CFAP57: variants seen among roughly 807,000 people sequenced by gnomAD.
CFAP57 encodes the protein cilia- and flagella-associated protein 57.
A neutral mutation model predicts 146.8 loss-of-function variants in CFAP57; 116 were observed. The ratio of observed to expected loss-of-function variants is 0.79; its 90% CI spans 0.68 to 0.92. CFAP57 has a LOEUF of 0.92. CFAP57 is among the 40% of genes least tolerant of loss of function. The pLI is 0.00. For missense variants in CFAP57, 1,377 were observed against 1,527.2 expected (o/e 0.90, Z 1.64); for synonymous variants, 518 against 552.8 (o/e 0.94, Z 0.88).
In CFAP57 at chr1:43,221,372, G is replaced by T; in HGVS notation, c.2248G>T (p.Val750Phe). ...ATGAGGAAATGTGACTCTGTTTTAGGTCTTAAGAACAGAAAAAGAGAAGCA... is the reference window on the plus strand; with the variant it reads ...ATGAGGAAATGTGACTCTGTTTTAGTTCTTAAGAACAGAAAAAGAGAAGCA... ...EMESLKTKNQ[V>F]LRTEKEKQDV... Residue 750 changes from valine to phenylalanine, a missense_variant and splice_region_variant, in exon 14 of 23, where the codon GTC becomes TTC. Coordinates refer to ENST00000372492, the MANE Select transcript of CFAP57 (RefSeq NM_001378189.1). 1 of 1,541,406 alleles carries T rather than the reference G, an allele frequency of 6.5e-7. No homozygotes were observed. Among genetic ancestry groups the T allele is most frequent in the East Asian group, 2.5e-5 (1 of 40,506 alleles).
intron 5 of CFAP57, among the ~76,000 whole-genome samples, chr1:43,186,471 C>G (rs529687722): frequency 1.4e-4 from 21 of 151,838 alleles, no homozygotes; most frequent in Admixed American, 1.4e-3. Context: ...ATTAGCCAAG[C>G]GCGGTGGTGG....
At chr1:43,229,587 G>A (rs756952368) in intron 18 of CFAP57, among the ~76,000 whole-genome samples, 12 of 148,658 alleles carry the variant, frequency 8.1e-5, no homozygotes, top group Admixed American at 1.3e-4. Context: ...TCCTGATTCA[G>A]GTACCCGCCC....
chr1:43,195,996 G>A lies in CFAP57; in HGVS notation c.1123-1557G>A, dbSNP rs575399932. ...AGAAAGCAAGGAAATATGAGATAAT[G>A]TCATCAGATGAGATTTAGAATTGGA... On this transcript the variant is annotated intron_variant, in intron 6 of 22. Transcript: ENST00000372492. Among the ~76,000 whole-genome samples the A allele has an allele frequency of 3.9e-5, 6 of 152,298 alleles. No homozygotes were observed. In the East Asian group the frequency reaches 1.2e-3, roughly 29 times the overall value.
chr1:43,237,858 A>G (rs1200034241), intron 21 of CFAP57, among the ~76,000 whole-genome samples: 1 of 152,184 alleles, frequency 6.6e-6, no homozygotes, highest in East Asian at 1.9e-4. Flanking sequence ...GCTCCACCCA[A>G]GGTTTCTTAA....
At chr1:43,209,693 G>T in intron 10 of CFAP57, 50 bp from the exon 11 acceptor site, 2 of 1,559,568 alleles carry the variant, frequency 1.3e-6, no homozygotes, top group South Asian at 2.3e-5. Context: ...ACTGGGACGT[G>T]GGGGCCACAG....
In CFAP57 at chr1:43,209,828, C is replaced by T. The variant is rs41301054; in HGVS notation, c.1841C>T (p.Ser614Leu). The T allele has an allele frequency of 0.033, 52,662 of 1,614,162 alleles. 1,035 individuals carry two copies. The highest frequency in any genetic ancestry group is 0.037 in the Non-Finnish European group (43,729 of 1,180,034). The change falls in exon 11 of 23, where the codon TCG becomes TTG. Residue 614 changes from serine (S) to leucine (L), a missense_variant. Transcript: ENST00000372492. ...GGACGCATGATGTTTGTGGGCACCTCGGTGGGAACCATTCGTGCCATGAAG... is the reference window on the plus strand; with the variant it reads ...GGACGCATGATGTTTGTGGGCACCTTGGTGGGAACCATTCGTGCCATGAAG... Reference protein sequence around the residue: ...HSGRMMFVGTSVGTIRAMKYP... With the variant: ...HSGRMMFVGTLVGTIRAMKYP...
At chr1:43,224,616 G>T (rs1181477259) in intron 17 of CFAP57, among the ~76,000 whole-genome samples, 4 of 152,198 alleles carry the variant, frequency 2.6e-5, no homozygotes, top group Non-Finnish European at 5.9e-5. Flanking sequence ...TCCCCCTGTC[G>T]CAGAGGGACT....
In CFAP57 at chr1:43,234,617, A is replaced by G. The variant is rs909823922; in HGVS notation, c.3384A>G (p.Thr1128=). 5 of 1,550,230 alleles carry G rather than the reference A, an allele frequency of 3.2e-6. No homozygotes were observed. The African/African-American group carries it at 5.5e-5, about 17-fold the overall frequency. ...TCAAGGAGGGCGAGCTGCACCGCACAGACTACGTCCGCATCATGCAGGTAC... is the reference window on the plus strand; with the variant it reads ...TCAAGGAGGGCGAGCTGCACCGCACGGACTACGTCCGCATCATGCAGGTAC... The part of the protein sequence containing the change: ...KVVKEGELHR[T]DYVRIMQENV... The change falls in exon 21 of 23, where the codon ACA becomes ACG. Residue 1128 remains threonine, a synonymous_variant. Transcript: ENST00000372492.
chr1:43,254,192 C>T lies in CFAP57; in HGVS notation c.*1C>T. On this transcript the variant is annotated 3_prime_UTR_variant, in exon 23 of 23. Transcript: ENST00000372492. Reference sequence around the variant, plus strand: ...AGACTTAGAGGTGAAGACCAACTGACCCCCTCTGGTGAGCCATCTCCAGCC... The same window carrying T: ...AGACTTAGAGGTGAAGACCAACTGATCCCCTCTGGTGAGCCATCTCCAGCC... 2 of 1,545,912 alleles carry T rather than the reference C, an allele frequency of 1.3e-6. No homozygotes were observed. Among genetic ancestry groups the T allele is most frequent in the Non-Finnish European group, 8.7e-7 (1 of 1,144,450 alleles).
chr1:43,216,587 G>A (rs1313600201), intron 12 of CFAP57, among the ~76,000 whole-genome samples: 1 of 152,108 alleles, frequency 6.6e-6, no homozygotes, highest in African/African-American at 2.4e-5. Context: ...TGACAGTACC[G>A]CTGCCAGGCT....
intron 6 of CFAP57, among the ~76,000 whole-genome samples, chr1:43,188,644 T>A (rs1161989624): frequency 6.6e-6 from 1 of 152,212 alleles, no homozygotes; most frequent in African/African-American, 2.4e-5. Context: ...GTTGTAACAG[T>A]TATTTATAAT....
At chr1:43,218,767 A>C (rs1309513546) in intron 12 of CFAP57, among the ~76,000 whole-genome samples, 1 of 152,152 alleles carries the variant, frequency 6.6e-6, no homozygotes, top group Non-Finnish European at 1.5e-5. Flanking sequence ...TTGGGCACTT[A>C]CCACAATTTG....
At chr1:43,215,440 G>A (rs1644798014) in intron 12 of CFAP57, 24 bp downstream of exon 12, 1 of 1,546,070 alleles carries the variant, frequency 6.5e-7, no homozygotes, top group African/African-American at 1.4e-5. Context: ...CTAATGAAGA[G>A]GGATATGGAA....
chr1:43,222,757 G>A, intron 15 of CFAP57, 67 bp from the exon 16 acceptor site: 1 of 1,459,362 alleles, frequency 6.9e-7, no homozygotes, highest in Non-Finnish European at 9.1e-7. Flanking sequence ...CTCACCTCAA[G>A]CCCTGTTGGC....
chr1:43,252,879 G>C (rs1458767357), intron 22 of CFAP57, among the ~76,000 whole-genome samples: 1 of 152,156 alleles, frequency 6.6e-6, no homozygotes, highest in Non-Finnish European at 1.5e-5. Context: ...GGGAATTTGT[G>C]AGCTAAAAGA....
intron 21 of CFAP57, among the ~76,000 whole-genome samples, chr1:43,239,794 T>C (rs1033777515): frequency 3.9e-5 from 6 of 152,194 alleles, no homozygotes; most frequent in African/African-American, 1.4e-4. Context: ...GCAAGCAAGC[T>C]TCCCCCTGTG....
At chr1:43,198,384 C>A in intron 7 of CFAP57, 97 bp from the exon 8 acceptor site, 1 of 1,369,686 alleles carries the variant, frequency 7.3e-7, no homozygotes. Flanking sequence ...AGTAGTGTGT[C>A]TCAAATACGA....
intron 6 of CFAP57, among the ~76,000 whole-genome samples, chr1:43,195,427 C>G (rs1054834362): frequency 1.3e-5 from 2 of 151,758 alleles, no homozygotes; most frequent in East Asian, 1.9e-4. Context: ...GAGGTTGAGG[C>G]AGGAGAATCG....
At chr1:43,176,841 G>C (rs1252216621) in intron 2 of CFAP57, among the ~76,000 whole-genome samples, 1 of 152,188 alleles carries the variant, frequency 6.6e-6, no homozygotes, top group Non-Finnish European at 1.5e-5. Flanking sequence ...TGAAGGAAAG[G>C]AAGGAGCTGG....
Sources: gnomAD v4.1 joint callset for allele counts (sites outside exome capture counted in the v4.1 genomes callset) on GRCh38, gnomAD v4.1.1 for gene constraint, MANE v1.5 for transcripts, NCBI Gene and HGNC (gene_info 2026-07-23, HGNC 2026-07-21) for gene names.